Variants in MATN2 observed in about 807,000 individuals in gnomAD.
MATN2 encodes matrilin-2.
MATN2 carries 69 observed loss-of-function variants against 103.2 expected under a neutral mutation model. The ratio of observed to expected loss-of-function variants is 0.67; its 90% confidence interval spans 0.55 to 0.82. MATN2 has a LOEUF of 0.82. MATN2 is among the 40% of genes least tolerant of loss of function. MATN2 has a pLI of 0.00. For synonymous variants in MATN2, 429 were observed against 450.2 expected, an observed-to-expected ratio of 0.95 and a Z score of 0.60; for missense variants, 1,023 against 1,211.5, an observed-to-expected ratio of 0.84 and a Z score of 2.31.
chr8:97,902,918 C>G (rs772006328), intron 2 of MATN2, among the ~76,000 whole-genome samples: 6 of 152,146 alleles, frequency 3.9e-5, no homozygotes, highest in Admixed American at 6.5e-5. Flanking sequence ...GAATGCCCAG[C>G]CTTCTTGGTG....
intron 10 of MATN2, among the ~76,000 whole-genome samples, chr8:98,010,228 C>A (rs938276311): frequency 1.3e-4 from 20 of 152,110 alleles, no homozygotes; most frequent in African/African-American, 4.8e-4. Context: ...CCATGGGTAA[C>A]CTCCTCTCCC....
intron 6 of MATN2, among the ~76,000 whole-genome samples, chr8:97,988,864 C>A (rs1348663184): frequency 6.6e-6 from 1 of 152,064 alleles, no homozygotes; most frequent in East Asian, 1.9e-4. Context: ...ACCCTGATAC[C>A]CAAACCAGAA....
chr8:97,890,683 T>C (rs1818599255), intron 2 of MATN2, among the ~76,000 whole-genome samples: 1 of 152,196 alleles, frequency 6.6e-6, no homozygotes, highest in Admixed American at 6.5e-5. Flanking sequence ...TTATGCATGT[T>C]TGCTTCTCTT....
intron 6 of MATN2, among the ~76,000 whole-genome samples, chr8:97,979,622 G>C (rs572497342): frequency 2.1e-4 from 32 of 152,240 alleles, no homozygotes; most frequent in African/African-American, 7.7e-4. Flanking sequence ...GATTCCAAAA[G>C]TGTTCTATTA....
rs187628130 is a variant in MATN2, at chr8:97,893,065, G to C, written c.142+4823G>C. Among the ~76,000 whole-genome samples, 817 of 152,266 alleles carry C rather than the reference G, an allele frequency of 5.4e-3. 10 individuals are homozygous for C. Among genetic ancestry groups the C allele is most frequent in the African/African-American group, 0.018 (765 of 41,530 alleles). On this transcript the variant is annotated intron_variant, in intron 2 of 18. Transcript: ENST00000254898. ...GGAGTTTTGAGCTTCATTTTGCAGGGGTAGGAGCTGTGGAGGGCTTTAAGC... is the reference window on the plus strand; with the variant it reads ...GGAGTTTTGAGCTTCATTTTGCAGGCGTAGGAGCTGTGGAGGGCTTTAAGC...
At chr8:97,988,171 A>AATATATATAT (rs1554611754) in intron 6 of MATN2, among the ~76,000 whole-genome samples, 29 of 46,088 alleles carry the variant, frequency 6.3e-4, no homozygotes, top group African/African-American at 3.6e-3. Flanking sequence ...AAAAAAAAAA[A>AATATATATAT]ATATATATAT....
At chr8:98,016,501 T>C in intron 10 of MATN2, 39 bp from the exon 11 acceptor site, 1 of 1,575,914 alleles carries the variant, frequency 6.3e-7, no homozygotes, top group Non-Finnish European at 8.6e-7. Context: ...TATGAGTCAT[T>C]TTCTTCTTCT....
intron 7 of MATN2, 77 bp from the exon 8 acceptor site, chr8:98,003,584 T>C (rs1586145882): frequency 4.5e-6 from 7 of 1,555,890 alleles, no homozygotes; most frequent in South Asian, 4.5e-5. Context: ...TGGGGGCTCA[T>C]GGGAGCCCCG....
chr8:97,995,633 G>A (rs146505641), intron 7 of MATN2, among the ~76,000 whole-genome samples: 162 of 152,294 alleles, frequency 1.1e-3, no homozygotes, highest in Non-Finnish European at 1.9e-3. Flanking sequence ...GCAAGACTGC[G>A]TTTTGAAAGG....
chr8:97,871,112 G>T (rs75500260), intron 1 of MATN2, among the ~76,000 whole-genome samples: 1 of 152,164 alleles, frequency 6.6e-6, no homozygotes, highest in Non-Finnish European at 1.5e-5. Context: ...CAGCTGTCAT[G>T]CCCTAAGCTC....
At chr8:97,980,752 A>T (rs6999420) in intron 6 of MATN2, among the ~76,000 whole-genome samples, 4,045 of 151,522 alleles carry the variant, frequency 0.027, 171 homozygotes, top group African/African-American at 0.092. Context: ...ATTTTTTGAT[A>T]GCAGTGGTGT....
At chr8:97,889,459 C>CTACATATATATATATATATATATATA (rs1554598918) in intron 2 of MATN2, among the ~76,000 whole-genome samples, 1 of 123,366 alleles carries the variant, frequency 8.1e-6, no homozygotes, top group South Asian at 3.1e-4. Context: ...CTCTCTCTGT[C>CTACATATATATATATATATATATATA]TATATATATA....
chr8:98,009,498 T>A (rs761691089), intron 10 of MATN2, among the ~76,000 whole-genome samples: 5 of 152,230 alleles, frequency 3.3e-5, no homozygotes, highest in African/African-American at 4.8e-5. Flanking sequence ...GCAAGTGGTC[T>A]TAAGAATGTG....
chr8:98,024,279 C>A (rs139655149), intron 13 of MATN2, among the ~76,000 whole-genome samples: 4 of 152,178 alleles, frequency 2.6e-5, no homozygotes, highest in Admixed American at 1.3e-4. Context: ...CCGAAGCGGG[C>A]GGATCACCTG....
intron 18 of MATN2, 69 bp downstream of exon 18, chr8:98,033,728 T>C (rs1391816342): frequency 1.9e-6 from 2 of 1,040,060 alleles, no homozygotes; most frequent in Admixed American, 2.2e-5. Flanking sequence ...ACACACTCTA[T>C]GTAGGTTTTA....
intron 6 of MATN2, among the ~76,000 whole-genome samples, chr8:97,986,989 C>T (rs915649159): frequency 1.6e-4 from 24 of 149,514 alleles, no homozygotes; most frequent in Admixed American, 8.0e-4. Flanking sequence ...CCCGCCACCA[C>T]GCCCAGCTAA....
chr8:97,927,237 A>G (rs1175868305), intron 2 of MATN2, among the ~76,000 whole-genome samples: 2 of 152,314 alleles, frequency 1.3e-5, no homozygotes, highest in Admixed American at 1.3e-4. Flanking sequence ...TCCAGCTCCC[A>G]GGTTCAAGCG....
chr8:97,935,815 CT>C (rs1447322277), intron 3 of MATN2, among the ~76,000 whole-genome samples: 1 of 152,158 alleles, frequency 6.6e-6, no homozygotes, highest in Non-Finnish European at 1.5e-5. Flanking sequence ...AGACGTGAGC[CT>C]AGGCATTCTG....
chr8:97,869,961 C>G (rs1288265911), intron 1 of MATN2, among the ~76,000 whole-genome samples: 1 of 152,092 alleles, frequency 6.6e-6, no homozygotes, highest in African/African-American at 2.4e-5. Context: ...TGAACAAACC[C>G]AATTGACCAA....
Sources: gnomAD v4.1 joint callset for allele counts (sites outside exome capture counted in the v4.1 genomes callset) on GRCh38, gnomAD v4.1.1 for gene constraint, MANE v1.5 for transcripts, NCBI Gene and HGNC (gene_info 2026-07-23, HGNC 2026-07-21) for gene names.